Variants in CSMD1 observed in about 807,000 individuals in gnomAD.
The protein encoded by CSMD1 is CUB and sushi domain-containing protein 1.
Under a neutral mutation model 417.5 loss-of-function variants are expected in CSMD1, and 213 were observed. The ratio of observed to expected loss-of-function variants is 0.51; its 90% CI spans 0.46 to 0.57. The LOEUF (loss-of-function observed/expected upper bound fraction) is 0.57. Ranked by LOEUF, CSMD1 falls within the 20% of genes least tolerant of loss-of-function variation. CSMD1 has a pLI of 0.00. For synonymous variants in CSMD1, 2,862 were observed against 1,736.8 expected (o/e 1.65, Z -16.11); for missense variants, 6,923 against 4,529.7 (o/e 1.53, Z -15.17).
intron 2 of CSMD1, among the ~76,000 whole-genome samples, chr8:4,464,263 T>C (rs1469253260): frequency 6.6e-6 from 1 of 152,062 alleles, no homozygotes; most frequent in East Asian, 1.9e-4. Context: ...CTGCAGTGAT[T>C]GTATGAAGCA....
chr8:3,131,591 T>C (rs1817797628), intron 41 of CSMD1, among the ~76,000 whole-genome samples: 1 of 151,410 alleles, frequency 6.6e-6, no homozygotes, highest in South Asian at 2.1e-4. Context: ...CCTGCCTCAG[T>C]CTCTTGAGTA....
chr8:3,777,259 G>C (rs1798944339), intron 5 of CSMD1, among the ~76,000 whole-genome samples: 1 of 151,926 alleles, frequency 6.6e-6, no homozygotes, highest in Non-Finnish European at 1.5e-5. Context: ...GGGTTTGTCT[G>C]CTTGATTTCT....
intron 7 of CSMD1, among the ~76,000 whole-genome samples, chr8:3,622,438 T>C (rs1796299478): frequency 1.3e-5 from 2 of 152,200 alleles, no homozygotes; most frequent in Non-Finnish European, 2.9e-5. Flanking sequence ...CCCACTTGCA[T>C]GTCTCCTTTT....
intron 1 of CSMD1, among the ~76,000 whole-genome samples, chr8:4,687,333 G>C (rs890009677): frequency 6.6e-6 from 1 of 152,186 alleles, no homozygotes; most frequent in Non-Finnish European, 1.5e-5. Flanking sequence ...AGATGGAGAA[G>C]AGCCAGATCG....
intron 46 of CSMD1, among the ~76,000 whole-genome samples, chr8:3,104,826 G>T (rs950053081): frequency 6.6e-6 from 1 of 151,414 alleles, no homozygotes; most frequent in East Asian, 2.0e-4. Flanking sequence ...TCCTGACTCA[G>T]CCACCTGAGT....
chr8:3,808,087 T>C (rs186982288), intron 5 of CSMD1, among the ~76,000 whole-genome samples: 1 of 152,288 alleles, frequency 6.6e-6, no homozygotes, highest in Non-Finnish European at 1.5e-5. Context: ...GGTTTGATTA[T>C]AGAAGACCTG....
At chr8:4,147,712 G>A (rs1262815481) in intron 3 of CSMD1, among the ~76,000 whole-genome samples, 1 of 152,110 alleles carries the variant, frequency 6.6e-6, no homozygotes, top group African/African-American at 2.4e-5. Flanking sequence ...TCAGGTTTCA[G>A]ATGCAGACAC....
intron 1 of CSMD1, among the ~76,000 whole-genome samples, chr8:4,709,649 G>T (rs1429908326): frequency 2.6e-5 from 4 of 152,166 alleles, no homozygotes; most frequent in African/African-American, 7.2e-5. Flanking sequence ...GACTACTGGG[G>T]GTCTTCAGCA....
chr8:3,748,067 T>A (rs1797146703), intron 6 of CSMD1, among the ~76,000 whole-genome samples: 1 of 152,168 alleles, frequency 6.6e-6, no homozygotes. Flanking sequence ...TCGTAAGTAC[T>A]TAATGAAAAG....
chr8:3,662,964 C>T (rs757408660), intron 7 of CSMD1, among the ~76,000 whole-genome samples: 3 of 151,984 alleles, frequency 2.0e-5, no homozygotes, highest in Non-Finnish European at 4.4e-5. Context: ...ATGTAACAAA[C>T]CTGCAGGTTC....
chr8:4,371,841 A>T (rs1174396323), intron 3 of CSMD1, among the ~76,000 whole-genome samples: 1 of 152,236 alleles, frequency 6.6e-6, no homozygotes, highest in Non-Finnish European at 1.5e-5. Context: ...GGTCAAGTAA[A>T]CTGAATTGAT....
intron 1 of CSMD1, among the ~76,000 whole-genome samples, chr8:4,737,916 T>G (rs145692787): frequency 4.9e-4 from 74 of 152,316 alleles, no homozygotes; most frequent in African/African-American, 1.7e-3. Context: ...AAAATTTGTT[T>G]GAAGGAAAGG....
At chr8:4,208,144 A>G (rs566202902) in intron 3 of CSMD1, among the ~76,000 whole-genome samples, 4 of 152,308 alleles carry the variant, frequency 2.6e-5, no homozygotes, top group African/African-American at 9.6e-5. Context: ...AATAAAACAT[A>G]TCCAAACATA....
intron 17 of CSMD1, among the ~76,000 whole-genome samples, chr8:3,393,207 T>C (rs1811451391): frequency 6.6e-6 from 1 of 152,304 alleles, no homozygotes; most frequent in South Asian, 2.1e-4. Context: ...TATGCAAGTC[T>C]AGATGTGTGT....
chr8:3,720,821 G>C (rs973096022), intron 6 of CSMD1, among the ~76,000 whole-genome samples: 1 of 150,304 alleles, frequency 6.7e-6, no homozygotes, highest in Non-Finnish European at 1.5e-5. Context: ...TAACGTTTGA[G>C]ACTTTTTTTT....
intron 49 of CSMD1, among the ~76,000 whole-genome samples, chr8:3,081,896 T>A (rs1005864887): frequency 6.6e-6 from 1 of 152,208 alleles, no homozygotes; most frequent in Non-Finnish European, 1.5e-5. Context: ...GAGTCACTAC[T>A]GGGGACAGCT....
chr8:3,357,430 T>C (rs542495049), intron 21 of CSMD1, among the ~76,000 whole-genome samples: 3 of 152,362 alleles, frequency 2.0e-5, no homozygotes, highest in East Asian at 3.9e-4. Flanking sequence ...CGTTATTACA[T>C]GGAAGGAGCC....
chr8:4,365,789 C>G (rs571449758), intron 3 of CSMD1, among the ~76,000 whole-genome samples: 19 of 152,332 alleles, frequency 1.2e-4, no homozygotes, highest in East Asian at 3.9e-4. Flanking sequence ...CCTGATTACT[C>G]TTGGCATTAC....
intron 1 of CSMD1, among the ~76,000 whole-genome samples, chr8:4,710,653 G>A (rs1808228264): frequency 1.3e-5 from 2 of 151,172 alleles, no homozygotes; most frequent in South Asian, 4.2e-4. Flanking sequence ...AGACCACCCT[G>A]GCTAACAAGG....
Sources: gnomAD v4.1 joint callset for allele counts (sites outside exome capture counted in the v4.1 genomes callset) on GRCh38, gnomAD v4.1.1 for gene constraint, MANE v1.5 for transcripts, NCBI Gene and HGNC (gene_info 2026-07-23, HGNC 2026-07-21) for gene names.